Variants in SRSF4 observed in about 807,000 individuals in gnomAD.
The protein encoded by SRSF4 is serine/arginine-rich splicing factor 4.
A neutral mutation model predicts 48.8 loss-of-function variants in SRSF4; 12 were observed. That is an observed-to-expected ratio of 0.25 (90% CI 0.16 to 0.40). The LOEUF (loss-of-function observed/expected upper bound fraction) is 0.40. SRSF4 is among the 10% of genes least tolerant of loss of function. The pLI, the probability that SRSF4 is intolerant of heterozygous loss-of-function variation, is 1.00. For synonymous variants in SRSF4, 248 were observed against 232.5 expected, an observed-to-expected ratio of 1.07 and a Z score of -0.61; for missense variants, 466 against 667.1, an observed-to-expected ratio of 0.70 and a Z score of 3.32.
At chr1:29,159,546 C>T (rs1160450758) in intron 2 of SRSF4, 60 bp from the exon 3 acceptor site, 7 of 1,144,176 alleles carry the variant, frequency 6.1e-6, no homozygotes, top group Non-Finnish European at 7.8e-6. Flanking sequence ...AAAAATGACA[C>T]AGCACACACC....
intron 1 of SRSF4, among the ~76,000 whole-genome samples, chr1:29,166,509 T>C (rs116565536): frequency 4.6e-4 from 70 of 152,322 alleles, no homozygotes; most frequent in Non-Finnish European, 7.8e-4. Flanking sequence ...CAATGTCACA[T>C]TTACTGCTCA....
chr1:29,170,817 C>T (rs1216390705), intron 1 of SRSF4: 6 of 152,106 alleles, frequency 3.9e-5, no homozygotes, highest in Non-Finnish European at 8.8e-5. Flanking sequence ...ACTTCCTCTT[C>T]TCTCTAGGTC....
intron 1 of SRSF4, chr1:29,166,812 T>C (rs757723816): frequency 6.6e-6 from 1 of 152,264 alleles, no homozygotes; most frequent in Non-Finnish European, 1.5e-5. Context: ...GTCGGCAAAC[T>C]GGCAGTTCCC....
At chr1:29,162,792 C>A (rs1206038772) in intron 1 of SRSF4, among the ~76,000 whole-genome samples, 4 of 152,154 alleles carry the variant, frequency 2.6e-5, no homozygotes, top group Non-Finnish European at 4.4e-5. Context: ...CAGGAAAATA[C>A]CAACTGTTTT....
At chr1:29,149,688 G>GGA (rs1672374795) in intron 5 of SRSF4, among the ~76,000 whole-genome samples, 1 of 100,896 alleles carries the variant, frequency 9.9e-6, no homozygotes, top group African/African-American at 3.5e-5. Flanking sequence ...CTTGAGGGGG[G>GGA]AAAAAAAAAA....
chr1:29,156,910 A>G lies in SRSF4; in HGVS notation c.364-2000T>C, dbSNP rs183010122. On this transcript the variant is annotated intron_variant, in intron 3 of 5. Transcript: ENST00000373795. Reference sequence around the variant, plus strand: ...CACTATTTACTGAGTACAATCACTTAGATCTAAGAAGCAGACATTCAGGAC... The same window carrying G: ...CACTATTTACTGAGTACAATCACTTGGATCTAAGAAGCAGACATTCAGGAC... Among the ~76,000 whole-genome samples, 16 of 152,368 alleles carry G rather than the reference A, an allele frequency of 1.1e-4. 1 individual carries two copies. The Middle Eastern group carries it at 0.017, about 162-fold the overall frequency.
At chr1:29,156,032 C>T (rs746710016) in intron 3 of SRSF4, among the ~76,000 whole-genome samples, 1 of 152,022 alleles carries the variant, frequency 6.6e-6, no homozygotes, top group Non-Finnish European at 1.5e-5. Flanking sequence ...GACTCCATCT[C>T]AAAAAACAAA....
At chr1:29,181,029 T>C (rs559738051) in intron 1 of SRSF4, among the ~76,000 whole-genome samples, 4 of 152,266 alleles carry the variant, frequency 2.6e-5, no homozygotes, top group South Asian at 2.1e-4. Flanking sequence ...GTTAAGACTT[T>C]AATTTACTCT....
chr1:29,150,861 T>C (rs1479121762), intron 4 of SRSF4, among the ~76,000 whole-genome samples: 3 of 152,220 alleles, frequency 2.0e-5, no homozygotes, highest in African/African-American at 7.2e-5. Context: ...ATCTTCGGTC[T>C]TTCTACCTCT....
intron 1 of SRSF4, among the ~76,000 whole-genome samples, chr1:29,179,826 A>C (rs1040159462): frequency 8.5e-5 from 13 of 152,226 alleles, no homozygotes; most frequent in Non-Finnish European, 1.3e-4. Context: ...TCAAGAGCAG[A>C]ACTGTTTTCT....
rs1672570265 is a variant in SRSF4, at chr1:29,160,164, A to G, written c.250+211T>C. On this transcript the variant is annotated intron_variant, in intron 2 of 5. Transcript: ENST00000373795. ...ACACACATCATTAAACATATTTATA[A>G]AGTATTATAAACAAGAAATTGTCAT... 5.7e-6 allele frequency: 3 copies of G among 525,862 alleles called. No homozygotes were observed. The African/African-American group carries it at 6.0e-5, about 10-fold the overall frequency. 32.6% of individuals were successfully genotyped at this position (525,862 alleles called of 1,614,324 possible). A position where few individuals can be genotyped will look rare whatever the true frequency, so the allele number is the denominator to read the frequency against.
At chr1:29,172,185 C>G (rs958282495) in intron 1 of SRSF4, 1 of 152,110 alleles carries the variant, frequency 6.6e-6, no homozygotes, top group Non-Finnish European at 1.5e-5. Context: ...AGTTATATTA[C>G]TAATAAAACA....
At chr1:29,152,793 C>T (rs1023840082) in intron 4 of SRSF4, among the ~76,000 whole-genome samples, 1 of 151,910 alleles carries the variant, frequency 6.6e-6, no homozygotes, top group Non-Finnish European at 1.5e-5. Flanking sequence ...GTGGTGTGCA[C>T]CTGTGATCCC....
intron 3 of SRSF4, among the ~76,000 whole-genome samples, chr1:29,157,579 G>T (rs932798134): frequency 1.3e-5 from 2 of 152,174 alleles, no homozygotes; most frequent in Non-Finnish European, 2.9e-5. Flanking sequence ...TGGGAGTCAG[G>T]AGTCCTGGTC....
At chr1:29,178,682 A>G (rs1291684468) in intron 1 of SRSF4, among the ~76,000 whole-genome samples, 4 of 152,082 alleles carry the variant, frequency 2.6e-5, no homozygotes, top group Non-Finnish European at 5.9e-5. Context: ...CAATCTAGAT[A>G]TGTTCAAACA....
intron 1 of SRSF4, among the ~76,000 whole-genome samples, chr1:29,173,866 AAATTAT>A (rs1228947446): frequency 6.6e-6 from 1 of 151,954 alleles, no homozygotes; most frequent in Non-Finnish European, 1.5e-5. Context: ...TTAGTTTAAA[AAATTAT>A]AATAAAGGGC....
chr1:29,149,361 C>T (rs6663195), intron 5 of SRSF4, 135 bp from the exon 6 acceptor site: 1 of 1,148,682 alleles, frequency 8.7e-7, no homozygotes, highest in Non-Finnish European at 1.2e-6. Context: ...GGATTGTTTT[C>T]TGAACCCTCA....
intron 5 of SRSF4, 68 bp downstream of exon 5, chr1:29,150,034 GA>G (rs1232771492): frequency 3.0e-5 from 39 of 1,310,712 alleles, no homozygotes; most frequent in Non-Finnish European, 3.0e-5. Context: ...AAAAAAAAAA[GA>G]AAAAAAAGTG....
intron 1 of SRSF4, among the ~76,000 whole-genome samples, chr1:29,178,805 C>T (rs950489106): frequency 2.0e-5 from 3 of 152,212 alleles, no homozygotes; most frequent in African/African-American, 7.2e-5. Context: ...GACTCTCCAG[C>T]GTTTTTGCCA....
Sources: allele counts gnomAD v4.1 joint callset (sites outside exome capture counted in the v4.1 genomes callset), GRCh38; gene constraint gnomAD v4.1.1; transcripts MANE v1.5; gene names NCBI Gene and HGNC (gene_info 2026-07-23, HGNC 2026-07-21).